RFX7: variants seen among roughly 807,000 people sequenced by gnomAD.
The protein encoded by RFX7 is regulatory factor X7.
Under a neutral mutation model 111.8 loss-of-function variants are expected in RFX7, and 26 were observed. That is an observed-to-expected ratio of 0.23 (90% CI 0.17 to 0.32). The LOEUF is 0.32. Ranked by LOEUF, RFX7 falls within the 10% of genes least tolerant of loss-of-function variation. The pLI, the probability that RFX7 is intolerant of heterozygous loss-of-function variation, is 1.00. For missense variants in RFX7, 1,573 were observed against 1,772.9 expected (o/e 0.89, Z 2.02); for synonymous variants, 624 against 624.4 (o/e 1.00, Z 0.01).
chr15:56,106,321 A>G (rs1368421658), intron 5 of RFX7, among the ~76,000 whole-genome samples: 1 of 152,238 alleles, frequency 6.6e-6, no homozygotes, highest in Non-Finnish European at 1.5e-5. Flanking sequence ...TCTGGTGGAT[A>G]AATATTAAAA....
rs754284536 is a variant in RFX7 at position 56,173,759 on chromosome 15, T to C, written c.195+5511A>G. Among the ~76,000 whole-genome samples, 40 of 151,562 alleles carry C rather than the reference T, an allele frequency of 2.6e-4. 1 individual carries two copies. The highest frequency in any genetic ancestry group is 5.3e-4 in the Admixed American group (8 of 15,202). On this transcript the variant is annotated intron_variant, in intron 3 of 9. Coordinates refer to ENST00000559447, the MANE Select transcript of RFX7 (RefSeq NM_022841.7). ...CAGTGAGCTGTGGTTCTGAAATGCA[T>C]TGCAGCCCGGACAACAAGAGTGAAA...
At chr15:56,183,867 G>A (rs1397844784) in intron 2 of RFX7, among the ~76,000 whole-genome samples, 1 of 152,048 alleles carries the variant, frequency 6.6e-6, no homozygotes, top group Non-Finnish European at 1.5e-5. Context: ...TTTCCTTTCT[G>A]AATAAATCTT....
intron 2 of RFX7, among the ~76,000 whole-genome samples, chr15:56,231,617 A>G (rs1596026024): frequency 6.6e-6 from 1 of 151,892 alleles, no homozygotes; most frequent in Non-Finnish European, 1.5e-5. Context: ...GAGCCAAACC[A>G]TTTCATTCCA....
chr15:56,175,688 G>T (rs534537163), intron 3 of RFX7, among the ~76,000 whole-genome samples: 2 of 152,196 alleles, frequency 1.3e-5, no homozygotes, highest in South Asian at 4.1e-4. Flanking sequence ...AATAAACCTT[G>T]AAGTTCAACT....
intron 3 of RFX7, among the ~76,000 whole-genome samples, chr15:56,155,767 A>T (rs2042644209): frequency 1.3e-5 from 2 of 150,986 alleles, no homozygotes; most frequent in South Asian, 2.1e-4. Context: ...AAGTATATTT[A>T]AAAAAATGTG....
At chr15:56,222,418 A>G (rs1567051741) in intron 2 of RFX7, among the ~76,000 whole-genome samples, 1 of 152,150 alleles carries the variant, frequency 6.6e-6, no homozygotes, top group Non-Finnish European at 1.5e-5. Context: ...AAATTCATAA[A>G]TCTTTCAATA....
chr15:56,118,014 CCTAT>C (rs375074523), intron 5 of RFX7, among the ~76,000 whole-genome samples: 9,859 of 151,276 alleles, frequency 0.065, 430 homozygotes, highest in Admixed American at 0.1. Flanking sequence ...ATATGATAGT[CCTAT>C]CTATCTATCT....
chr15:56,148,185 A>AT (rs2042511143), intron 3 of RFX7, among the ~76,000 whole-genome samples: 2 of 152,212 alleles, frequency 1.3e-5, no homozygotes, highest in African/African-American at 4.8e-5. Flanking sequence ...GAATCTTTGA[A>AT]CTCAAGTTTG....
At chr15:56,232,527 C>A (rs2043573322) in intron 2 of RFX7, among the ~76,000 whole-genome samples, 1 of 152,180 alleles carries the variant, frequency 6.6e-6, no homozygotes, top group African/African-American at 2.4e-5. Flanking sequence ...GTGATTAACA[C>A]TTGTTTCCTC....
chr15:56,094,161 T>TGGGATATTAGATACTGGATAA lies in RFX7; in HGVS notation c.3566_3567insTTATCCAGTATCTAATATCCC (p.Tyr1183_Pro1189dup). ...TTCCAAAGGGGGTCACATTAGATCG[T>TGGGATATTAGATACTGGATAA]GGGATATTAGATACTGGATAGAGGG... On this transcript the variant is annotated inframe_insertion, in exon 10 of 10. Transcript: ENST00000559447. 2 of 1,613,866 alleles carry TGGGATATTAGATACTGGATAA rather than the reference T, an allele frequency of 1.2e-6. No homozygotes were observed. Among genetic ancestry groups the TGGGATATTAGATACTGGATAA allele is most frequent in the Non-Finnish European group, 1.7e-6 (2 of 1,179,864 alleles).
intron 5 of RFX7, among the ~76,000 whole-genome samples, chr15:56,129,323 C>A (rs1157329429): frequency 1.3e-5 from 2 of 150,020 alleles, no homozygotes; most frequent in African/African-American, 2.5e-5. Context: ...TGTAGTGAGC[C>A]GAGATTGCAA....
intron 2 of RFX7, among the ~76,000 whole-genome samples, chr15:56,233,431 C>A (rs193191504): frequency 6.8e-4 from 104 of 152,194 alleles, no homozygotes; most frequent in Admixed American, 5.0e-3. Flanking sequence ...ATTATGGGAG[C>A]TACAATTCAA....
intron 3 of RFX7, among the ~76,000 whole-genome samples, chr15:56,150,014 C>T (rs990690702): frequency 5.7e-5 from 8 of 139,764 alleles, no homozygotes; most frequent in Non-Finnish European, 9.1e-5. Flanking sequence ...CTGAGACAGT[C>T]GACCTTGGTC....
chr15:56,163,889 A>G (rs952931344), intron 3 of RFX7, among the ~76,000 whole-genome samples: 1 of 152,152 alleles, frequency 6.6e-6, no homozygotes, highest in Admixed American at 6.6e-5. Flanking sequence ...TGGGTCCCCA[A>G]CCCTGTAAAG....
In RFX7 at chr15:56,093,842, C is replaced by T. The variant is rs1202968512; in HGVS notation, c.3886G>A (p.Ala1296Thr). Residue 1296 changes from alanine (A) to threonine (T), a missense_variant, in exon 10 of 10, where the codon GCC becomes ACC. By Grantham distance (58) the Ala-to-Thr change is moderately conservative. Transcript: ENST00000559447. ...ILEPSTVFPS[A>T]NPQNMIDSST... ...GAATCGATCATATTTTGTGGGTTGGCACTAGGAAAAACAGTGGAAGGTTCC... is the reference window on the plus strand; with the variant it reads ...GAATCGATCATATTTTGTGGGTTGGTACTAGGAAAAACAGTGGAAGGTTCC... 1 of 1,613,776 alleles carries T rather than the reference C, an allele frequency of 6.2e-7. No individual in the cohort carries two copies. The highest frequency in any genetic ancestry group is 1.7e-5 in the Admixed American group (1 of 59,994).
At chr15:56,226,308 AG>A (rs2043482903) in intron 2 of RFX7, among the ~76,000 whole-genome samples, 1 of 152,210 alleles carries the variant, frequency 6.6e-6, no homozygotes, top group Non-Finnish European at 1.5e-5. Flanking sequence ...TACCTATCAT[AG>A]TGACTATCAG....
Position 56,094,098 on chromosome 15 carries a change from A to G in RFX7, c.3630T>C (p.Val1210=), listed in dbSNP as rs758391737. The G allele has an allele frequency of 1.9e-6, 3 of 1,613,950 alleles. No individual in the cohort carries two copies. The South Asian group carries it at 3.3e-5, about 18-fold the overall frequency. ...VTPEVHVFTN[V]HTDACANNIA... The stretch of plus-strand genomic sequence containing the variant: ...TGTTGTTGGCACATGCGTCTGTGTG[A>G]ACATTTGTGAAAACATGAACTTCTG... Residue 1210 remains valine (V), a synonymous_variant, in exon 10 of 10, where the codon GTT becomes GTC. Transcript: ENST00000559447.
chr15:56,206,066 C>T (rs750250463), intron 2 of RFX7, among the ~76,000 whole-genome samples: 3 of 152,028 alleles, frequency 2.0e-5, no homozygotes, highest in Non-Finnish European at 2.9e-5. Flanking sequence ...CCATATGATC[C>T]AGCAGTTCCA....
intron 5 of RFX7, among the ~76,000 whole-genome samples, chr15:56,116,245 T>C (rs905300231): frequency 2.0e-5 from 3 of 152,216 alleles, no homozygotes; most frequent in African/African-American, 7.2e-5. Flanking sequence ...GATGTAATCA[T>C]ACCATTTCGT....
Sources: gnomAD v4.1 joint callset for allele counts (sites outside exome capture counted in the v4.1 genomes callset) on GRCh38, gnomAD v4.1.1 for gene constraint, MANE v1.5 for transcripts, NCBI Gene and HGNC (gene_info 2026-07-23, HGNC 2026-07-21) for gene names.